Variants in DIAPH2 observed in about 807,000 individuals in gnomAD.
DIAPH2 encodes the protein protein diaphanous homolog 2.
Under a neutral mutation model 92.7 loss-of-function variants are expected in DIAPH2, and 35 were observed. The ratio of observed to expected loss-of-function variants is 0.38; its 90% confidence interval spans 0.29 to 0.50. The LOEUF is 0.50. Among genes scored for constraint, DIAPH2 ranks in the 20% least tolerant of loss-of-function variants. The probability of loss-of-function intolerance (pLI) is 0.94; values close to 1 mark genes in which losing one functional copy is unlikely to be tolerated. For missense variants in DIAPH2, 701 were observed against 819.5 expected, an observed-to-expected ratio of 0.86 and a Z score of 1.77; for synonymous variants, 301 against 280.4, an observed-to-expected ratio of 1.07 and a Z score of -0.73.
At chrX:97,419,473 T>A (rs933011181) in intron 25 of DIAPH2, among the ~76,000 whole-genome samples, 1 of 112,239 alleles carries the variant, frequency 8.9e-6, no homozygotes, top group Admixed American at 9.4e-5. Context: ...GCACAAAATA[T>A]TATTCTTTTT....
intron 22 of DIAPH2, among the ~76,000 whole-genome samples, chrX:97,211,348 G>T (rs1300384343): frequency 9.1e-6 from 1 of 110,435 alleles, no homozygotes; most frequent in Non-Finnish European, 1.9e-5. Flanking sequence ...TGTGGAATAG[G>T]TTGTGTCAAA....
chrX:97,558,558 A>G (rs1270884356), intron 26 of DIAPH2, among the ~76,000 whole-genome samples: 1 of 111,597 alleles, frequency 9.0e-6, no homozygotes, highest in Non-Finnish European at 1.9e-5. Context: ...GAACTTTTAT[A>G]TGATGTACGA....
intron 15 of DIAPH2, among the ~76,000 whole-genome samples, chrX:96,950,098 T>C (rs1468448345): frequency 9.0e-6 from 1 of 111,101 alleles, no homozygotes; most frequent in Non-Finnish European, 1.9e-5. Flanking sequence ...TCTCTGTCTG[T>C]TTCCCTCCCT....
intron 23 of DIAPH2, 29 bp from the exon 24 acceptor site, chrX:97,348,087 T>C (rs748688413): frequency 4.2e-6 from 5 of 1,201,490 alleles, no homozygotes; most frequent in Non-Finnish European, 4.5e-6. Flanking sequence ...AAAGGTACTG[T>C]TGAGCCATGT....
At chrX:97,061,421 T>C (rs2147902303) in intron 17 of DIAPH2, among the ~76,000 whole-genome samples, 1 of 112,307 alleles carries the variant, frequency 8.9e-6, no homozygotes, top group African/African-American at 3.2e-5. Flanking sequence ...AAAATTTTTT[T>C]CACTTCCTAT....
intron 4 of DIAPH2, among the ~76,000 whole-genome samples, chrX:96,824,831 C>T (rs996838139): frequency 4.5e-5 from 5 of 111,953 alleles, no homozygotes; most frequent in African/African-American, 1.6e-4. Flanking sequence ...AAGACAATTG[C>T]TCTGCTTAGC....
intron 4 of DIAPH2, among the ~76,000 whole-genome samples, chrX:96,782,356 C>T (rs777149149): frequency 4.5e-5 from 5 of 110,968 alleles, no homozygotes; most frequent in Admixed American, 1.9e-4. Flanking sequence ...GGTGCAGTGG[C>T]GCGATCTCGG....
At chrX:97,193,012 C>CTTTTCTTTTTTTTTTTT (rs1256888466) in intron 22 of DIAPH2, among the ~76,000 whole-genome samples, 3 of 86,591 alleles carry the variant, frequency 3.5e-5, no homozygotes, top group African/African-American at 1.5e-4. Context: ...TTTTTCTTTT[C>CTTTTCTTTTTTTTTTTT]TTTTTTTTTT....
chrX:97,231,850 A>G (rs1049416965), intron 22 of DIAPH2, among the ~76,000 whole-genome samples: 3 of 111,529 alleles, frequency 2.7e-5, no homozygotes, highest in African/African-American at 9.8e-5. Flanking sequence ...TCAAAACAAG[A>G]AACAACACAA....
At chrX:97,518,912 C>G (rs1023528455) in intron 26 of DIAPH2, among the ~76,000 whole-genome samples, 9 of 111,605 alleles carry the variant, frequency 8.1e-5, no homozygotes, top group African/African-American at 2.9e-4. Context: ...CCGATTCCAG[C>G]TCAGTTTCTA....
chrX:96,982,037 C>T (rs2066001114), intron 17 of DIAPH2, among the ~76,000 whole-genome samples: 1 of 111,834 alleles, frequency 8.9e-6, no homozygotes, highest in Non-Finnish European at 1.9e-5. Context: ...TCCATTTGCC[C>T]ACTAAATGGT....
intron 24 of DIAPH2, among the ~76,000 whole-genome samples, chrX:97,349,435 GGTATTCCCAAAGCAGTACTTTCTTT>G (rs1175531780): frequency 2.7e-5 from 3 of 111,008 alleles, no homozygotes; most frequent in African/African-American, 3.3e-5. Flanking sequence ...TCCAGTGTGA[GGTATTCCCAAAGCAGTACTTTCTTT>G]GTATTCCCAA....
chrX:97,338,813 G>A (rs1273700658), intron 23 of DIAPH2, among the ~76,000 whole-genome samples: 1 of 111,428 alleles, frequency 9.0e-6, no homozygotes, highest in Non-Finnish European at 1.9e-5. Flanking sequence ...TGTTTTTTGT[G>A]GTAACAATTA....
At chrX:97,307,908 CAAAAAAA>C (rs34217377) in intron 23 of DIAPH2, among the ~76,000 whole-genome samples, 1 of 64,850 alleles carries the variant, frequency 1.5e-5, no homozygotes, top group Non-Finnish European at 2.9e-5. Flanking sequence ...GACTCTGTCT[CAAAAAAA>C]AAAAAAAAAA....
intron 26 of DIAPH2, among the ~76,000 whole-genome samples, chrX:97,488,024 G>A (rs890947874): frequency 1.8e-5 from 2 of 111,446 alleles, no homozygotes; most frequent in African/African-American, 3.3e-5. Flanking sequence ...ATGGCGTTTC[G>A]CCCTTGTTAC....
intron 17 of DIAPH2, among the ~76,000 whole-genome samples, chrX:96,978,063 C>G (rs2065973116): frequency 8.9e-6 from 1 of 112,000 alleles, no homozygotes; most frequent in Non-Finnish European, 1.9e-5. Flanking sequence ...CTGTATAAAA[C>G]TACAAAGAGG....
At chrX:96,754,923 CAAAAAAAAA>C (rs1007573600) in intron 3 of DIAPH2, among the ~76,000 whole-genome samples, 20 of 16,001 alleles carry the variant, frequency 1.2e-3, no homozygotes, top group East Asian at 9.8e-3. Flanking sequence ...GTCTCCACCT[CAAAAAAAAA>C]AAAAAAAAAA....
chrX:97,265,579 T>C (rs958417741), intron 23 of DIAPH2, among the ~76,000 whole-genome samples: 1 of 111,869 alleles, frequency 8.9e-6, no homozygotes, highest in African/African-American at 3.2e-5. Context: ...TATAGAAAGA[T>C]TCCAGACATG....
chrX:96,882,988 AAAAC>A (rs2065228871), intron 5 of DIAPH2, among the ~76,000 whole-genome samples: 2 of 55,117 alleles, frequency 3.6e-5, no homozygotes, highest in African/African-American at 7.8e-5. Context: ...AAAAAACAAA[AAAAC>A]AAAAATCCGG....
Sources: gnomAD v4.1 joint callset for allele counts (sites outside exome capture counted in the v4.1 genomes callset) on GRCh38, gnomAD v4.1.1 for gene constraint, MANE v1.5 for transcripts, NCBI Gene and HGNC (gene_info 2026-07-23, HGNC 2026-07-21) for gene names.